PTPRR: variants seen among roughly 807,000 people sequenced by gnomAD.
PTPRR encodes receptor-type tyrosine-protein phosphatase R.
Under a neutral mutation model 77.2 loss-of-function variants are expected in PTPRR, and 38 were observed. That is an observed-to-expected ratio of 0.49 (90% confidence interval 0.38 to 0.65). The LOEUF (loss-of-function observed/expected upper bound fraction) is 0.65, where lower values mean the gene tolerates loss of function less well. Among genes scored for constraint, PTPRR ranks in the 30% least tolerant of loss-of-function variants. The pLI, the probability that PTPRR is intolerant of heterozygous loss-of-function variation, is 0.00. For synonymous variants in PTPRR, 299 were observed against 283.1 expected (o/e 1.06, Z -0.57); for missense variants, 744 against 799.2 (o/e 0.93, Z 0.83).
intron 1 of PTPRR, among the ~76,000 whole-genome samples, chr12:70,914,670 T>C (rs1893748325): frequency 6.6e-6 from 1 of 152,084 alleles, no homozygotes; most frequent in African/African-American, 2.4e-5. Context: ...TATAAGATTA[T>C]TGTGGGGCCA....
rs565886757 is a variant in PTPRR, at chr12:70,715,882, C to G, written c.1008-14559G>C. ...GTCCTGAGGCGACATACATCCTTCT[C>G]AGCTGACAGGATTAAGAGATTAAAG... On this transcript the variant is annotated intron_variant, in intron 6 of 13. Transcript: ENST00000283228. 6.6e-5 allele frequency among the ~76,000 whole-genome samples: 10 copies of G among 152,260 alleles called. No homozygotes were observed. The East Asian group carries it at 1.7e-3, about 26-fold the overall frequency.
intron 6 of PTPRR, among the ~76,000 whole-genome samples, chr12:70,733,465 T>TTTACTTCC: frequency 1.4e-5 from 1 of 73,494 alleles, no homozygotes; most frequent in East Asian, 2.5e-4. Context: ...AAAGAAAAAT[T>TTTACTTCC]ATGGCAAAAA....
In PTPRR at chr12:70,684,223, G is replaced by A. The variant is rs771573273; in HGVS notation, c.1401C>T (p.Gly467=). 2 of 1,614,018 alleles carry A rather than the reference G, an allele frequency of 1.2e-6. No individual in the cohort carries two copies. Among genetic ancestry groups the A allele is most frequent in the Non-Finnish European group, 1.7e-6 (2 of 1,179,936 alleles). ...AATCATCCACGGTGTTGATCATGGG[G>A]CCCTGCGTGGCAATGAAGGCTTTCT... ...GKEKAFIATQ[G]PMINTVDDFW... is the part of the protein sequence containing the mutation. Residue 467 remains glycine, a synonymous_variant, in exon 10 of 14, where the codon GGC becomes GGT. Transcript: ENST00000283228.
chr12:70,770,807 C>T lies in PTPRR; in HGVS notation c.358-6029G>A, dbSNP rs374697600. On this transcript the variant is annotated intron_variant, in intron 2 of 13. Transcript: ENST00000283228. The stretch of plus-strand genomic sequence containing the variant: ...AAGAAAATGTGGCACATATACACCA[C>T]GGAATACTATGCAGCCATAAAAAAT... Among the ~76,000 whole-genome samples the T allele has an allele frequency of 4.6e-3, 696 of 151,958 alleles. 6 individuals carry two copies. The highest frequency in any genetic ancestry group is 0.016 in the African/African-American group (668 of 41,428).
At chr12:70,896,257 A>T (rs1167932454) in intron 1 of PTPRR, among the ~76,000 whole-genome samples, 1 of 151,622 alleles carries the variant, frequency 6.6e-6, no homozygotes, top group African/African-American at 2.4e-5. Flanking sequence ...ATGAAAGGAG[A>T]AATGGGAAAA....
intron 2 of PTPRR, among the ~76,000 whole-genome samples, chr12:70,844,699 T>A (rs1892454326): frequency 6.6e-6 from 1 of 152,216 alleles, no homozygotes; most frequent in African/African-American, 2.4e-5. Context: ...ATGATAGTTT[T>A]AGTTTGAATT....
chr12:70,817,885 T>C (rs1891933381), intron 2 of PTPRR, among the ~76,000 whole-genome samples: 1 of 152,246 alleles, frequency 6.6e-6, no homozygotes, highest in Non-Finnish European at 1.5e-5. Flanking sequence ...AAAATTAGTT[T>C]ATAACTTTAT....
chr12:70,842,811 G>A (rs548021563), intron 2 of PTPRR, among the ~76,000 whole-genome samples: 1 of 152,282 alleles, frequency 6.6e-6, no homozygotes, highest in East Asian at 1.9e-4. Flanking sequence ...CCAGAGATTT[G>A]GCATGGATAT....
intron 1 of PTPRR, among the ~76,000 whole-genome samples, chr12:70,911,564 A>C (rs549223030): frequency 7.2e-5 from 11 of 152,276 alleles, no homozygotes; most frequent in South Asian, 6.2e-4. Context: ...CATTCATTTA[A>C]GTAGAACTTG....
intron 2 of PTPRR, among the ~76,000 whole-genome samples, chr12:70,806,142 G>A (rs1241105406): frequency 2.0e-5 from 3 of 152,198 alleles, no homozygotes; most frequent in African/African-American, 7.2e-5. Context: ...GGAACAGGGA[G>A]AAACTAGAGC....
At chr12:70,840,127 A>T (rs1892370891) in intron 2 of PTPRR, among the ~76,000 whole-genome samples, 1 of 152,150 alleles carries the variant, frequency 6.6e-6, no homozygotes, top group South Asian at 2.1e-4. Context: ...GAAATCTGAC[A>T]CGGTCTTACT....
intron 6 of PTPRR, among the ~76,000 whole-genome samples, chr12:70,741,967 A>G (rs942429913): frequency 6.6e-6 from 1 of 152,200 alleles, no homozygotes; most frequent in African/African-American, 2.4e-5. Flanking sequence ...GGCATCTAAC[A>G]GTGGTTTGGA....
At chr12:70,850,113 G>C (rs891890793) in intron 2 of PTPRR, among the ~76,000 whole-genome samples, 1 of 152,108 alleles carries the variant, frequency 6.6e-6, no homozygotes, top group African/African-American at 2.4e-5. Flanking sequence ...TGTAATCCCA[G>C]CACTTTGGGA....
chr12:70,724,367 T>C (rs1047067282), intron 6 of PTPRR, among the ~76,000 whole-genome samples: 1 of 152,156 alleles, frequency 6.6e-6, no homozygotes, highest in African/African-American at 2.4e-5. Context: ...TGTGCCCAGT[T>C]TTCTCATCTG....
intron 6 of PTPRR, among the ~76,000 whole-genome samples, chr12:70,728,577 T>A (rs754639040): frequency 1.5e-5 from 2 of 132,264 alleles, no homozygotes; most frequent in Non-Finnish European, 3.1e-5. Flanking sequence ...CAGTTGAGGA[T>A]CCCTAATCCA....
At chr12:70,745,758 A>T in intron 6 of PTPRR, 60 bp downstream of exon 6, 1 of 1,528,146 alleles carries the variant, frequency 6.5e-7, no homozygotes, top group Non-Finnish European at 8.9e-7. Context: ...TTTCTTTTTT[A>T]GTTGATGAAT....
intron 2 of PTPRR, among the ~76,000 whole-genome samples, chr12:70,853,306 G>A (rs944600673): frequency 1.3e-5 from 2 of 152,156 alleles, no homozygotes; most frequent in Non-Finnish European, 2.9e-5. Flanking sequence ...TCATCACATG[G>A]CTGGTAGTGG....
At chr12:70,888,617 C>T (rs973452112) in intron 2 of PTPRR, among the ~76,000 whole-genome samples, 10 of 152,110 alleles carry the variant, frequency 6.6e-5, no homozygotes, top group Middle Eastern at 3.2e-3. Context: ...AGTAGGCTTT[C>T]GCATTTCACC....
chr12:70,803,030 A>G (rs1891644084), intron 2 of PTPRR, among the ~76,000 whole-genome samples: 1 of 152,202 alleles, frequency 6.6e-6, no homozygotes. Flanking sequence ...AATAGAAGCC[A>G]ATTTGATAAG....
Sources: allele counts gnomAD v4.1 joint callset (sites outside exome capture counted in the v4.1 genomes callset), GRCh38; gene constraint gnomAD v4.1.1; transcripts MANE v1.5; gene names NCBI Gene and HGNC (gene_info 2026-07-23, HGNC 2026-07-21).